Variants in CACNA1D observed in about 807,000 individuals in gnomAD.
The protein encoded by CACNA1D is calcium voltage-gated channel subunit alpha1 D, also known as voltage-dependent L-type calcium channel subunit alpha-1D.
Under a neutral mutation model 257.1 loss-of-function variants are expected in CACNA1D, and 55 were observed. That is an observed-to-expected ratio of 0.21 (90% CI 0.17 to 0.27). CACNA1D has a LOEUF of 0.27. Ranked by LOEUF, CACNA1D falls within the 10% of genes least tolerant of loss-of-function variation. The pLI is 1.00. For missense variants in CACNA1D, 1,876 were observed against 2,784.0 expected (o/e 0.67, Z 7.34); for synonymous variants, 980 against 1,014.9 (o/e 0.97, Z 0.65).
At chr3:53,566,923 C>T (rs899832282) in intron 3 of CACNA1D, among the ~76,000 whole-genome samples, 1 of 152,220 alleles carries the variant, frequency 6.6e-6, no homozygotes, top group African/African-American at 2.4e-5. Flanking sequence ...GAGCCTGGCA[C>T]GCTATTTGCT....
chr3:53,719,280 ACAT>A, intron 10 of CACNA1D, among the ~76,000 whole-genome samples: 1 of 152,318 alleles, frequency 6.6e-6, no homozygotes, highest in East Asian at 1.9e-4. Flanking sequence ...CCTCTCTGAG[ACAT>A]CATGAAGCAG....
intron 9 of CACNA1D, chr3:53,710,472 G>C (rs183736607): frequency 4.4e-6 from 2 of 456,652 alleles, no homozygotes; most frequent in African/African-American, 4.0e-5. Flanking sequence ...CAGGGCTAAA[G>C]ATCATGGTAA....
chr3:53,559,838 G>A (rs1282310375), intron 3 of CACNA1D, among the ~76,000 whole-genome samples: 1 of 152,078 alleles, frequency 6.6e-6, no homozygotes, highest in Non-Finnish European at 1.5e-5. Context: ...CTGTGTCCAA[G>A]GCCAAGCGCT....
At chr3:53,675,904 C>T (rs2094371277) in intron 8 of CACNA1D, among the ~76,000 whole-genome samples, 1 of 152,208 alleles carries the variant, frequency 6.6e-6, no homozygotes, top group Admixed American at 6.5e-5. Context: ...CTAGAGGCTG[C>T]ACATGACCTC....
chr3:53,541,907 G>A (rs1482834425), intron 3 of CACNA1D, among the ~76,000 whole-genome samples: 3 of 152,180 alleles, frequency 2.0e-5, no homozygotes, highest in South Asian at 2.1e-4. Context: ...AAAAGACCAC[G>A]TATTTTATGA....
At position 53,628,293 on chromosome 3, in the gene CACNA1D, A is replaced by C. The variant is rs181623983; in HGVS notation, c.484-22486A>C. Among the ~76,000 whole-genome samples, 19 of 152,234 alleles carry C rather than the reference A, an allele frequency of 1.2e-4. No individual in the cohort carries two copies. In the East Asian group the frequency reaches 3.3e-3, roughly 26 times the overall value. On this transcript the variant is annotated intron_variant, in intron 3 of 47. Transcript: ENST00000350061. ...GGTTATTTGTCAAAGTATGAGGGTA[A>C]CTTCTTGTGGAAGGACAGATGTTAA...
At chr3:53,713,491 G>T (rs1197595533) in intron 9 of CACNA1D, among the ~76,000 whole-genome samples, 2 of 135,550 alleles carry the variant, frequency 1.5e-5, no homozygotes, top group Admixed American at 7.5e-5. Flanking sequence ...AGACTCATTT[G>T]CTCTGTGTGT....
In CACNA1D at chr3:53,495,044, A is replaced by G; in HGVS notation, c.-123A>G. 2.1e-6 allele frequency: 1 copy of G among 484,792 alleles called. No homozygotes were observed. Among genetic ancestry groups the G allele is most frequent in the Non-Finnish European group, 4.2e-6 (1 of 239,448 alleles). 30.0% of individuals were successfully genotyped at this position (484,792 alleles called of 1,614,324 possible). On this transcript the variant is annotated 5_prime_UTR_variant, in exon 1 of 48. Transcript: ENST00000350061. The surrounding 1 kb of genome is among the most constrained non-coding windows in gnomAD (Gnocchi z 5.1). ...CCCGTCCCTCCCCACCCCCCTGCTG[A>G]AGCGAGAATAAGGGCAGGGACCGCG...
At chr3:53,665,555 T>C (rs2094253169) in intron 5 of CACNA1D, 105 bp from the exon 6 acceptor site, 2 of 873,692 alleles carry the variant, frequency 2.3e-6, no homozygotes, top group Admixed American at 2.0e-5. Flanking sequence ...CTTTGAATTT[T>C]ATTACTATGT....
intron 32 of CACNA1D, among the ~76,000 whole-genome samples, chr3:53,771,803 A>G (rs1019926728): frequency 1.3e-5 from 2 of 152,252 alleles, no homozygotes; most frequent in African/African-American, 4.8e-5. Flanking sequence ...CAAAAATCGT[A>G]AACATTTGGC....
intron 3 of CACNA1D, among the ~76,000 whole-genome samples, chr3:53,579,612 A>C (rs1000084853): frequency 6.6e-6 from 1 of 152,222 alleles, no homozygotes; most frequent in Non-Finnish European, 1.5e-5. Flanking sequence ...AATGAACAAA[A>C]CTGCATTTAC....
intron 39 of CACNA1D, among the ~76,000 whole-genome samples, chr3:53,784,097 T>C (rs1256900780): frequency 6.6e-6 from 1 of 152,210 alleles, no homozygotes; most frequent in African/African-American, 2.4e-5. Flanking sequence ...GCTGTGGATC[T>C]GTGGATACAT....
At chr3:53,760,217 C>A (rs1041020476) in intron 29 of CACNA1D, among the ~76,000 whole-genome samples, 1 of 152,116 alleles carries the variant, frequency 6.6e-6, no homozygotes, top group African/African-American at 2.4e-5. Flanking sequence ...GTAGCTCCCC[C>A]ATAAATGCAC....
intron 3 of CACNA1D, among the ~76,000 whole-genome samples, chr3:53,643,776 T>G (rs1042287474): frequency 6.6e-6 from 1 of 152,246 alleles, no homozygotes; most frequent in Non-Finnish European, 1.5e-5. Context: ...GTCCCTTCCC[T>G]TCCCACCTGT....
chr3:53,779,857 A>T (rs2095416872), intron 37 of CACNA1D, among the ~76,000 whole-genome samples, 169 bp from the exon 38 acceptor site: 1 of 152,152 alleles, frequency 6.6e-6, no homozygotes, highest in African/African-American at 2.4e-5. Context: ...GGCCCAGTCA[A>T]CTTGACACCT....
intron 3 of CACNA1D, among the ~76,000 whole-genome samples, chr3:53,602,390 T>G (rs945212249): frequency 1.3e-5 from 2 of 152,252 alleles, no homozygotes; most frequent in Admixed American, 1.3e-4. Context: ...TGTATTTGAC[T>G]CTTGTGAATA....
At chr3:53,589,394 G>T (rs1267463999) in intron 3 of CACNA1D, among the ~76,000 whole-genome samples, 2 of 152,108 alleles carry the variant, frequency 1.3e-5, no homozygotes, top group African/African-American at 4.8e-5. Flanking sequence ...GTGTGTGGCT[G>T]TCCCTGCAGC....
intron 3 of CACNA1D, among the ~76,000 whole-genome samples, chr3:53,521,437 C>A (rs1177009166): frequency 6.6e-6 from 1 of 152,162 alleles, no homozygotes; most frequent in African/African-American, 2.4e-5. Context: ...TGGATTGAGT[C>A]TTCAAGGTTG....
chr3:53,623,888 GAATC>G (rs1024960242), intron 3 of CACNA1D, among the ~76,000 whole-genome samples: 88 of 152,316 alleles, frequency 5.8e-4, no homozygotes, highest in African/African-American at 2.1e-3. Context: ...GGAGAACAAA[GAATC>G]AATAAGTAGA....
Sources: allele counts gnomAD v4.1 joint callset (sites outside exome capture counted in the v4.1 genomes callset), GRCh38; gene constraint gnomAD v4.1.1; non-coding constraint Gnocchi (gnomAD v3.1); transcripts MANE v1.5; gene names NCBI Gene and HGNC (gene_info 2026-07-23, HGNC 2026-07-21).